POGLUT3: variants seen among roughly 807,000 people sequenced by gnomAD.
The protein encoded by POGLUT3 is protein O-glucosyltransferase 3.
A neutral mutation model predicts 54.3 loss-of-function variants in POGLUT3; 48 were observed. The observed-to-expected ratio is 0.88, with a 90% CI of 0.70 to 1.12. The LOEUF (loss-of-function observed/expected upper bound fraction) is 1.12. POGLUT3 is among the 50% of genes most tolerant of loss of function. POGLUT3 has a pLI of 0.00. For missense variants in POGLUT3, 629 were observed against 618.7 expected, an observed-to-expected ratio of 1.02 and a Z score of -0.18; for synonymous variants, 218 against 237.4, an observed-to-expected ratio of 0.92 and a Z score of 0.75.
chr11:108,498,262 C>A lies in POGLUT3; in HGVS notation c.105G>T (p.Trp35Cys). The change falls in exon 1 of 8, where the codon TGG becomes TGT. Residue 35 changes from tryptophan to cysteine, a missense_variant. Transcript: ENST00000323468. Reference sequence around the variant, plus strand: ...CGACGGCCGCCTGCAGCCCGGGCCCCCACACCAGGCTCCGCGGCGCGCTGA... The same window carrying A: ...CGACGGCCGCCTGCAGCCCGGGCCCACACACCAGGCTCCGCGGCGCGCTGA... ...VLVSAPRSLV[W>C]GPGLQAAVVL... The A allele has an allele frequency of 6.7e-7, 1 of 1,498,778 alleles. No homozygotes were observed. The highest frequency in any genetic ancestry group is 8.9e-7 in the Non-Finnish European group (1 of 1,124,470). The allele number at this position is 1,498,778 out of a possible 1,614,324, so 92.8% of individuals were successfully genotyped here.
In POGLUT3 at chr11:108,479,515, CAT is replaced by C. The variant is rs756691984; in HGVS notation, c.1099-22_1099-21del. The C allele has an allele frequency of 1.3e-6, 2 of 1,561,250 alleles. No homozygotes were observed. Among genetic ancestry groups the C allele is most frequent in the East Asian group, 4.6e-5 (2 of 43,350 alleles). On this transcript the variant is annotated intron_variant, in intron 5 of 7. Coordinates refer to ENST00000323468, the MANE Select transcript of POGLUT3 (RefSeq NM_153705.5). ...CTTGTACTGGAAGATGAAAAACAAA[CAT>C]AAACAAACTTTCAGTAGTCATTTGC...
Position 108,498,258 on chromosome 11 carries a change from G to GC in POGLUT3, c.108dup (p.Pro37AlafsTer33). The GC allele has an allele frequency of 2.7e-6, 4 of 1,502,760 alleles. No individual in the cohort carries two copies. The highest frequency in any genetic ancestry group is 3.6e-6 in the Non-Finnish European group (4 of 1,126,526). The allele number at this position is 1,502,760 out of a possible 1,614,324, so 93.1% of individuals were successfully genotyped here. The stretch of plus-strand genomic sequence containing the variant: ...AGGACGACGGCCGCCTGCAGCCCGG[G>GC]CCCCCACACCAGGCTCCGCGGCGCG... On this transcript the variant is annotated frameshift_variant, in exon 1 of 8. Coordinates refer to ENST00000323468, the MANE Select transcript of POGLUT3 (RefSeq NM_153705.5). LOFTEE classifies it high-confidence loss of function.
Position 108,481,323 on chromosome 11 carries a change from G to A in POGLUT3, c.955C>T (p.Arg319Ter), listed in dbSNP as rs759766572. The A allele has an allele frequency of 1.8e-5, 29 of 1,610,348 alleles. No individual in the cohort carries two copies. The highest frequency in any genetic ancestry group is 6.7e-5 in the East Asian group (3 of 44,674). ...ERAFFRGRDS[R>*]EERLQLVQLS... ...TGTACCAACTGGAGCCTCTCCTCTC[G>A]GCTGTCTCTACCTCTGAAGAAAGCT... Residue 319 changes from arginine (R) to a stop codon, truncating the protein, a stop_gained, in exon 5 of 8, where the codon CGA becomes TGA. Coordinates refer to ENST00000323468, the MANE Select transcript of POGLUT3 (RefSeq NM_153705.5). LOFTEE classifies it high-confidence loss of function.
intron 7 of POGLUT3, 99 bp from the exon 8 acceptor site, chr11:108,475,051 T>C (rs535675817): frequency 1.0e-5 from 13 of 1,293,376 alleles, no homozygotes; most frequent in South Asian, 9.6e-5. Context: ...TCTTTTCTAG[T>C]TGCTGTGTGT....
At chr11:108,497,878 C>T (rs1161818027) in intron 1 of POGLUT3, among the ~76,000 whole-genome samples, 2 of 152,244 alleles carry the variant, frequency 1.3e-5, no homozygotes, top group Non-Finnish European at 2.9e-5. Context: ...TGACTCACGG[C>T]ACACTCCTTG....
In POGLUT3 at chr11:108,473,814, CAGAT is replaced by C. The variant is rs1459403205; in HGVS notation, c.*1009_*1012del. 6.6e-6 allele frequency: 1 copy of C among 152,124 alleles called. No homozygotes were observed. Among genetic ancestry groups the C allele is most frequent in the Non-Finnish European group, 1.5e-5 (1 of 68,046 alleles). 9.4% of individuals were successfully genotyped at this position (152,124 alleles called of 1,614,324 possible). A position where few individuals can be genotyped will look rare whatever the true frequency, so the allele number is the denominator to read the frequency against. ...TATTGTCTTTGATGGGTATACAACTCAGATAGATTTGGAATTACTAACTTAAGGT... is the reference window on the plus strand; with the variant it reads ...TATTGTCTTTGATGGGTATACAACTCAGATTTGGAATTACTAACTTAAGGT... On this transcript the variant is annotated 3_prime_UTR_variant, in exon 8 of 8. Transcript: ENST00000323468.
rs2093591296 is a variant in POGLUT3, at chr11:108,481,057, G to A, written c.1098+123C>T. 4.3e-6 allele frequency: 3 copies of A among 700,450 alleles called. No homozygotes were observed. The South Asian group carries it at 5.7e-5, about 13-fold the overall frequency. The allele number at this position is 700,450 out of a possible 1,614,324, so 43.4% of individuals were successfully genotyped here. A position where few individuals can be genotyped will look rare whatever the true frequency, so the allele number is the denominator to read the frequency against. Reference sequence around the variant, plus strand: ...TTTTGTAATTCCTGATATCTAATAAGAAAGTGTGAACATGTGTGTCAGTTC... The same window carrying A: ...TTTTGTAATTCCTGATATCTAATAAAAAAGTGTGAACATGTGTGTCAGTTC... On this transcript the variant is annotated intron_variant, in intron 5 of 7. Transcript: ENST00000323468.
At chr11:108,497,421 G>A (rs185535509) in intron 1 of POGLUT3, among the ~76,000 whole-genome samples, 14 of 152,276 alleles carry the variant, frequency 9.2e-5, no homozygotes, top group Admixed American at 5.2e-4. Context: ...ATACAACAAG[G>A]TGCTAGTTGG....
In POGLUT3 at chr11:108,498,229, C is replaced by T; in HGVS notation, c.138G>A (p.Pro46=). The part of the protein sequence containing the change: ...GPGLQAAVVL[P]VRYFYLQAVN... ...CCGCCTGCAGGTAGAAATAGCGGAC[C>T]GGCAGGACGACGGCCGCCTGCAGCC... The change falls in exon 1 of 8, where the codon CCG becomes CCA. Residue 46 remains proline, a synonymous_variant. Coordinates refer to ENST00000323468, the MANE Select transcript of POGLUT3 (RefSeq NM_153705.5). The T allele has an allele frequency of 6.6e-7, 1 of 1,514,694 alleles. No individual in the cohort carries two copies. The highest frequency in any genetic ancestry group is 8.8e-7 in the Non-Finnish European group (1 of 1,133,026). The allele number at this position is 1,514,694 out of a possible 1,614,324, so 93.8% of individuals were successfully genotyped here.
At position 108,481,346 on chromosome 11, in the gene POGLUT3, GCTCT is replaced by G. The variant is rs574278299; in HGVS notation, c.928_931del (p.Arg310LeufsTer26). On this transcript the variant is annotated frameshift_variant, in exon 5 of 8. Coordinates refer to ENST00000323468, the MANE Select transcript of POGLUT3 (RefSeq NM_153705.5). LOFTEE classifies it high-confidence loss of function. ...TCGGCTGTCTCTACCTCTGAAGAAAGCTCTCTCTGTTTTATTGATCCAGGAAGGC... is the reference window on the plus strand; with the variant it reads ...TCGGCTGTCTCTACCTCTGAAGAAAGCTCTGTTTTATTGATCCAGGAAGGC... The G allele has an allele frequency of 6.3e-7, 1 of 1,588,064 alleles. No homozygotes were observed. The highest frequency in any genetic ancestry group is 2.3e-5 in the East Asian group (1 of 44,284).
At chr11:108,497,579 T>C (rs1460658669) in intron 1 of POGLUT3, among the ~76,000 whole-genome samples, 2 of 152,216 alleles carry the variant, frequency 1.3e-5, no homozygotes, top group African/African-American at 4.8e-5. Flanking sequence ...GAGATCCATC[T>C]CACCCTCCGT....
intron 1 of POGLUT3, among the ~76,000 whole-genome samples, chr11:108,494,014 T>C (rs560912429): frequency 1.3e-5 from 2 of 152,306 alleles, no homozygotes; most frequent in African/African-American, 2.4e-5. Flanking sequence ...GAAATTCACT[T>C]AGCACTTTTT....
At position 108,474,427 on chromosome 11, in the gene POGLUT3, A is replaced by G. The variant is rs1443215738; in HGVS notation, c.*400T>C. 1 of 152,520 alleles carries G rather than the reference A, an allele frequency of 6.6e-6. No homozygotes were observed. Among genetic ancestry groups the G allele is most frequent in the Non-Finnish European group, 1.5e-5 (1 of 68,272 alleles). The allele number at this position is 152,520 out of a possible 1,614,324, so 9.4% of individuals were successfully genotyped here. A position where few individuals can be genotyped will look rare whatever the true frequency, so the allele number is the denominator to read the frequency against. On this transcript the variant is annotated 3_prime_UTR_variant, in exon 8 of 8. Transcript: ENST00000323468. ...ACACCACCACTTGGGTCGCTAAGATAGTGACACCTTTGCTTTCTGACAGTT... is the reference window on the plus strand; with the variant it reads ...ACACCACCACTTGGGTCGCTAAGATGGTGACACCTTTGCTTTCTGACAGTT...
At chr11:108,478,539 CT>C (rs1445101323) in intron 6 of POGLUT3, among the ~76,000 whole-genome samples, 3 of 152,222 alleles carry the variant, frequency 2.0e-5, no homozygotes, top group Non-Finnish European at 1.5e-5. Flanking sequence ...GACTGTATTG[CT>C]TTTGTAACCG....
At chr11:108,477,959 GCCAACATGGTGAAA>G (rs1178303378) in intron 6 of POGLUT3, 1 of 448,588 alleles carries the variant, frequency 2.2e-6, no homozygotes, top group African/African-American at 2.1e-5. Flanking sequence ...GATCAGTCTG[GCCAACATGGTGAAA>G]CCCCATCTCT....
intron 7 of POGLUT3, among the ~76,000 whole-genome samples, chr11:108,476,115 C>T (rs2093581242): frequency 6.6e-6 from 1 of 152,116 alleles, no homozygotes; most frequent in South Asian, 2.1e-4. Context: ...CCACTGCACT[C>T]CAGCCTAGGT....
chr11:108,489,031 T>G (rs962721889), intron 2 of POGLUT3, among the ~76,000 whole-genome samples: 3 of 152,002 alleles, frequency 2.0e-5, no homozygotes, highest in African/African-American at 7.3e-5. Flanking sequence ...TTAAACTATT[T>G]CCCAGTGATT....
At chr11:108,479,584 A>T in intron 5 of POGLUT3, 89 bp from the exon 6 acceptor site, 1 of 872,552 alleles carries the variant, frequency 1.1e-6, no homozygotes, top group Admixed American at 3.4e-5. Context: ...CCAACTACAG[A>T]GGAATTATTT....
intron 2 of POGLUT3, among the ~76,000 whole-genome samples, chr11:108,488,462 G>C (rs575514355): frequency 6.6e-6 from 1 of 152,170 alleles, no homozygotes; most frequent in Non-Finnish European, 1.5e-5. Flanking sequence ...GTACAGGGAG[G>C]GGGACTGTAG....
Sources: allele counts gnomAD v4.1 joint callset (sites outside exome capture counted in the v4.1 genomes callset), GRCh38; gene constraint gnomAD v4.1.1; transcripts MANE v1.5; gene names NCBI Gene and HGNC (gene_info 2026-07-23, HGNC 2026-07-21).